The following IRF2 variants were observed in gnomAD, a reference collection of about 807,000 sequenced individuals.
IRF2 encodes the protein interferon regulatory factor 2.
A neutral mutation model predicts 40.6 loss-of-function variants in IRF2; 15 were observed. The observed-to-expected ratio is 0.37, with a 90% CI of 0.25 to 0.57. The LOEUF (loss-of-function observed/expected upper bound fraction) is 0.57. Among genes scored for constraint, IRF2 ranks in the 20% least tolerant of loss-of-function variants. The probability of loss-of-function intolerance (pLI) is 0.77; values close to 1 mark genes in which losing one functional copy is unlikely to be tolerated. For synonymous variants in IRF2, 151 were observed against 165.5 expected (o/e 0.91, Z 0.67); for missense variants, 317 against 455.7 (o/e 0.70, Z 2.77).
chr4:184,402,435 T>G (rs1285881958), intron 6 of IRF2, among the ~76,000 whole-genome samples: 1 of 152,208 alleles, frequency 6.6e-6, no homozygotes, highest in Non-Finnish European at 1.5e-5. Context: ...GGCCGCGACC[T>G]TGTGACACTT....
intron 2 of IRF2, among the ~76,000 whole-genome samples, chr4:184,420,121 GGC>G (rs1394747475): frequency 6.6e-6 from 1 of 152,176 alleles, no homozygotes; most frequent in Admixed American, 6.5e-5. Flanking sequence ...GCCCACCTCA[GGC>G]TTCCAAACTG....
chr4:184,418,319 T>A, intron 4 of IRF2, 106 bp from the exon 5 acceptor site: 1 of 1,043,252 alleles, frequency 9.6e-7, no homozygotes, highest in Non-Finnish European at 1.5e-6. Context: ...CCTGTTGCTT[T>A]AATCTGTACA....
chr4:184,432,560 C>A (rs55901403), intron 1 of IRF2, among the ~76,000 whole-genome samples: 42,696 of 152,118 alleles, frequency 0.28, 6,667 homozygotes, highest in South Asian at 0.43. Context: ...GTTCAATGCT[C>A]ATCAATCAAC....
intron 1 of IRF2, among the ~76,000 whole-genome samples, chr4:184,452,620 A>T (rs1237188995): frequency 6.6e-6 from 1 of 151,920 alleles, no homozygotes; most frequent in Non-Finnish European, 1.5e-5. Flanking sequence ...GAAGCATGTA[A>T]AATAAGGCAA....
intron 1 of IRF2, among the ~76,000 whole-genome samples, chr4:184,434,810 A>G (rs545684623): frequency 6.6e-6 from 1 of 152,260 alleles, no homozygotes; most frequent in Non-Finnish European, 1.5e-5. Flanking sequence ...TTTCACCCAA[A>G]TAACTGAATT....
chr4:184,412,631 GCA>G (rs1737118978), intron 5 of IRF2, among the ~76,000 whole-genome samples: 1 of 152,196 alleles, frequency 6.6e-6, no homozygotes, highest in African/African-American at 2.4e-5. Flanking sequence ...CACACACCCA[GCA>G]CAGAGGCGCA....
rs533919166 is a variant in IRF2 at position 184,394,350 on chromosome 4, G to A, written c.695-3601C>T. Among the ~76,000 whole-genome samples, 5 of 152,288 alleles carry A rather than the reference G, an allele frequency of 3.3e-5. No individual in the cohort carries two copies. The East Asian group carries it at 9.6e-4, about 29-fold the overall frequency. The stretch of plus-strand genomic sequence containing the variant: ...GAGGATATACATATTGTCTAAGCAG[G>A]AACACTGCGGGAAGGGAGAGGATGC... On this transcript the variant is annotated intron_variant, in intron 7 of 8. Coordinates refer to ENST00000393593, the MANE Select transcript of IRF2 (RefSeq NM_002199.4).
chr4:184,393,024 A>G (rs1736314334), intron 7 of IRF2, among the ~76,000 whole-genome samples: 1 of 152,342 alleles, frequency 6.6e-6, no homozygotes, highest in East Asian at 1.9e-4. Flanking sequence ...TTCCACGCAG[A>G]AACACATGAA....
chr4:184,465,489 G>A (rs202215499), intron 1 of IRF2, among the ~76,000 whole-genome samples: 11 of 150,846 alleles, frequency 7.3e-5, no homozygotes, highest in Admixed American at 5.3e-4. Flanking sequence ...TTTCAAGAAG[G>A]AAAAAAAAAG....
chr4:184,463,266 G>A (rs1172298788), intron 1 of IRF2, among the ~76,000 whole-genome samples: 1 of 152,188 alleles, frequency 6.6e-6, no homozygotes, highest in Non-Finnish European at 1.5e-5. Context: ...CTTTCCTTCA[G>A]TCCTTTCAGG....
rs772772400 is a variant in IRF2, at chr4:184,398,903, G to A, written c.694+12C>T. On this transcript the variant is annotated intron_variant, in intron 7 of 8. Transcript: ENST00000393593. ...GTTCCCACGCCTCCCGGAGCCTCCC[G>A]CTGACGCTTACCTGCATAGGAAGAC... The A allele has an allele frequency of 7.6e-6, 12 of 1,579,226 alleles. No homozygotes were observed. The highest frequency in any genetic ancestry group is 2.3e-5 in the South Asian group (2 of 86,308).
Position 184,413,900 on chromosome 4 carries a change from C to T in IRF2, c.411+4267G>A, listed in dbSNP as rs1237382729. 6.6e-6 allele frequency among the ~76,000 whole-genome samples: 1 copy of T among 152,214 alleles called. No individual in the cohort carries two copies. Among genetic ancestry groups the T allele is most frequent in the Non-Finnish European group, 1.5e-5 (1 of 68,036 alleles). ...AGTTTCCTGTCTCATCCAGGAAAGACAAACCAACTGTAATCTCCAGGCCTT... is the reference window on the plus strand; with the variant it reads ...AGTTTCCTGTCTCATCCAGGAAAGATAAACCAACTGTAATCTCCAGGCCTT... On this transcript the variant is annotated intron_variant, in intron 5 of 8. Transcript: ENST00000393593. This position sits in a 1 kb window ranked among gnomAD's most constrained non-coding sequence, Gnocchi z 4.2.
intron 1 of IRF2, among the ~76,000 whole-genome samples, chr4:184,454,099 G>A (rs1158271443): frequency 2.0e-5 from 3 of 152,148 alleles, no homozygotes; most frequent in Admixed American, 1.3e-4. Context: ...GTTCTGAAAG[G>A]TTGATTTGAA....
intron 7 of IRF2, among the ~76,000 whole-genome samples, chr4:184,397,130 C>T (rs1170618089): frequency 1.3e-5 from 2 of 152,206 alleles, no homozygotes; most frequent in Non-Finnish European, 2.9e-5. Flanking sequence ...CAAGCTTATC[C>T]TGTTTGACAG....
rs199771199 is a variant in IRF2 at position 184,422,729 on chromosome 4, ACAGAGAG to A, written c.88-3168_88-3162del. On this transcript the variant is annotated intron_variant, in intron 2 of 8. Coordinates refer to ENST00000393593, the MANE Select transcript of IRF2 (RefSeq NM_002199.4). ...ATTTACATGAAATATTCCAGAAAAGACAGAGAGCAGAGAGCAGACAGAGAGCAGAGAT... is the reference window on the plus strand; with the variant it reads ...ATTTACATGAAATATTCCAGAAAAGACAGAGAGCAGACAGAGAGCAGAGAT... 6.4e-3 allele frequency among the ~76,000 whole-genome samples: 973 copies of A among 152,310 alleles called. 7 individuals carry two copies. The highest frequency in any genetic ancestry group is 0.023 in the African/African-American group (944 of 41,564).
At chr4:184,469,321 C>T (rs1399721661) in intron 1 of IRF2, among the ~76,000 whole-genome samples, 1 of 152,134 alleles carries the variant, frequency 6.6e-6, no homozygotes, top group Non-Finnish European at 1.5e-5. Flanking sequence ...TTTGATGATA[C>T]CAGTTTTCTC....
At chr4:184,394,612 G>A (rs952258718) in intron 7 of IRF2, among the ~76,000 whole-genome samples, 1 of 152,058 alleles carries the variant, frequency 6.6e-6, no homozygotes, top group African/African-American at 2.4e-5. Context: ...CTTTACTGAT[G>A]GCTGCTGGTC....
intron 1 of IRF2, among the ~76,000 whole-genome samples, chr4:184,461,486 C>G (rs953745419): frequency 1.3e-5 from 2 of 152,134 alleles, no homozygotes; most frequent in African/African-American, 4.8e-5. Flanking sequence ...TTTTCTCTAT[C>G]TGGAAGAATT....
chr4:184,432,018 AC>A (rs1446672629), intron 1 of IRF2: 1 of 152,216 alleles, frequency 6.6e-6, no homozygotes, highest in Non-Finnish European at 1.5e-5. Flanking sequence ...TCTCTGAAAG[AC>A]AGCGAAGATC....
Sources: allele counts gnomAD v4.1 joint callset (sites outside exome capture counted in the v4.1 genomes callset), GRCh38; gene constraint gnomAD v4.1.1; non-coding constraint Gnocchi (gnomAD v3.1); transcripts MANE v1.5; gene names NCBI Gene and HGNC (gene_info 2026-07-23, HGNC 2026-07-21).